The following CAMK1D variants were observed in gnomAD, a reference collection of about 807,000 sequenced individuals.
CAMK1D encodes calcium/calmodulin dependent protein kinase ID.
A neutral mutation model predicts 47.7 loss-of-function variants in CAMK1D; 9 were observed. The observed-to-expected ratio is 0.19, with a 90% confidence interval of 0.11 to 0.33. CAMK1D has a LOEUF of 0.33. CAMK1D is among the 10% of genes least tolerant of loss of function. The pLI, the probability that CAMK1D is intolerant of heterozygous loss-of-function variation, is 1.00. For missense variants in CAMK1D, 291 were observed against 488.7 expected (o/e 0.60, Z 3.81); for synonymous variants, 184 against 184.9 (o/e 0.99, Z 0.04).
intron 6 of CAMK1D, among the ~76,000 whole-genome samples, chr10:12,810,270 G>C (rs114558654): frequency 0.049 from 6,412 of 130,878 alleles, 510 homozygotes; most frequent in African/African-American, 0.17. Flanking sequence ...TACTGCCCTA[G>C]CACCACTTTT....
intron 3 of CAMK1D, among the ~76,000 whole-genome samples, chr10:12,685,099 G>A (rs1832600654): frequency 2.0e-5 from 3 of 152,174 alleles, no homozygotes; most frequent in Non-Finnish European, 2.9e-5. Flanking sequence ...TCAAGAGTTC[G>A]AGACCAGTAT....
At chr10:12,774,758 A>G (rs1315024796) in intron 5 of CAMK1D, among the ~76,000 whole-genome samples, 1 of 152,192 alleles carries the variant, frequency 6.6e-6, no homozygotes, top group Non-Finnish European at 1.5e-5. Context: ...GTAGATTCTC[A>G]TGGGAGCTTG....
At chr10:12,354,930 C>G (rs1453908372) in intron 1 of CAMK1D, among the ~76,000 whole-genome samples, 1 of 151,114 alleles carries the variant, frequency 6.6e-6, no homozygotes, top group Non-Finnish European at 1.5e-5. Context: ...CAGCCTCACA[C>G]TCCTGGGCTC....
intron 2 of CAMK1D, among the ~76,000 whole-genome samples, chr10:12,558,654 A>G (rs58376091): frequency 0.082 from 12,469 of 152,178 alleles, 751 homozygotes; most frequent in African/African-American, 0.15. Context: ...TGAGAGGTGA[A>G]GAGAGAGGGG....
At chr10:12,539,475 C>T (rs75513721) in intron 1 of CAMK1D, among the ~76,000 whole-genome samples, 3 of 152,142 alleles carry the variant, frequency 2.0e-5, no homozygotes, top group South Asian at 2.1e-4. Flanking sequence ...CATTCTGTCC[C>T]GTCGTTGCTT....
chr10:12,702,717 T>G (rs1408887988), intron 3 of CAMK1D, among the ~76,000 whole-genome samples: 1 of 152,202 alleles, frequency 6.6e-6, no homozygotes, highest in African/African-American at 2.4e-5. Flanking sequence ...CTCGTGGCCA[T>G]GAGCAGCAGA....
chr10:12,509,151 G>T (rs1381512130), intron 1 of CAMK1D, among the ~76,000 whole-genome samples: 1 of 152,192 alleles, frequency 6.6e-6, no homozygotes, highest in Non-Finnish European at 1.5e-5. Flanking sequence ...CTGGATAATT[G>T]CACGACTTTC....
At chr10:12,418,836 G>A (rs1021530132) in intron 1 of CAMK1D, among the ~76,000 whole-genome samples, 1 of 152,204 alleles carries the variant, frequency 6.6e-6, no homozygotes, top group Non-Finnish European at 1.5e-5. Flanking sequence ...AGACCCCCAC[G>A]TGGTGGGAGA....
intron 1 of CAMK1D, among the ~76,000 whole-genome samples, chr10:12,516,530 T>C (rs1835217116): frequency 6.6e-6 from 1 of 152,246 alleles, no homozygotes; most frequent in Non-Finnish European, 1.5e-5. Flanking sequence ...GGGTCATATG[T>C]AAGTATTTAT....
At chr10:12,614,905 T>C (rs931539438) in intron 2 of CAMK1D, among the ~76,000 whole-genome samples, 9 of 152,210 alleles carry the variant, frequency 5.9e-5, no homozygotes, top group African/African-American at 2.2e-4. Context: ...CAAGTCGCCA[T>C]CCTTAGAAGT....
chr10:12,572,038 A>AAC (rs1588646881), intron 2 of CAMK1D, among the ~76,000 whole-genome samples: 1 of 80,960 alleles, frequency 1.2e-5, no homozygotes, highest in Non-Finnish European at 2.4e-5. Context: ...CCAAAAACTA[A>AAC]ACCCCCCCCC....
At chr10:12,768,030 G>A (rs981945400) in intron 4 of CAMK1D, among the ~76,000 whole-genome samples, 5 of 152,030 alleles carry the variant, frequency 3.3e-5, no homozygotes, top group Non-Finnish European at 7.4e-5. Context: ...GTGCCACCAC[G>A]CCCGGCTAAT....
At chr10:12,488,647 G>A (rs1175515222) in intron 1 of CAMK1D, among the ~76,000 whole-genome samples, 1 of 152,022 alleles carries the variant, frequency 6.6e-6, no homozygotes, top group East Asian at 1.9e-4. Context: ...ATCATGTAGA[G>A]CCAGTGGGAG....
chr10:12,776,565 A>T (rs867573833), intron 5 of CAMK1D, among the ~76,000 whole-genome samples: 1 of 152,238 alleles, frequency 6.6e-6, no homozygotes, highest in Non-Finnish European at 1.5e-5. Context: ...TCACATTTTC[A>T]TCAACCAATC....
chr10:12,446,935 G>A (rs1465758762), intron 1 of CAMK1D, among the ~76,000 whole-genome samples: 3 of 152,200 alleles, frequency 2.0e-5, no homozygotes, highest in Non-Finnish European at 4.4e-5. Flanking sequence ...TAAATGTAGG[G>A]AAGGGATTTT....
chr10:12,375,927 C>G (rs1375911496), intron 1 of CAMK1D, among the ~76,000 whole-genome samples: 2 of 152,040 alleles, frequency 1.3e-5, no homozygotes, highest in Non-Finnish European at 2.9e-5. Context: ...TTTTGGGAGG[C>G]TGAGGTGGGC....
chr10:12,618,989 C>G (rs1838908023), intron 2 of CAMK1D, among the ~76,000 whole-genome samples: 1 of 152,196 alleles, frequency 6.6e-6, no homozygotes, highest in Non-Finnish European at 1.5e-5. Context: ...CCAGTTTTCT[C>G]TTACTCCAAA....
intron 1 of CAMK1D, among the ~76,000 whole-genome samples, chr10:12,404,231 G>C (rs1588448325): frequency 6.6e-6 from 1 of 152,022 alleles, no homozygotes; most frequent in African/African-American, 2.4e-5. Context: ...TTTTAGTAGA[G>C]GTAGGGTTTC....
intron 1 of CAMK1D, among the ~76,000 whole-genome samples, chr10:12,485,214 C>T (rs116290630): frequency 0.013 from 1,933 of 152,278 alleles, 47 homozygotes; most frequent in African/African-American, 0.044. Context: ...CAGATTATTA[C>T]AGCGAGTGAG....
Sources: gnomAD v4.1 joint callset for allele counts (sites outside exome capture counted in the v4.1 genomes callset) on GRCh38, gnomAD v4.1.1 for gene constraint, MANE v1.5 for transcripts, NCBI Gene and HGNC (gene_info 2026-07-23, HGNC 2026-07-21) for gene names.